Variants in MTCL3 observed in about 807,000 individuals in gnomAD.
The protein encoded by MTCL3 is MTCL family member 3, also known as microtubule cross-linking factor 3.
the MTCL3 span, among the ~76,000 whole-genome samples, chr6:127,491,515 A>G: frequency 6.6e-6 from 1 of 152,206 alleles, no homozygotes; most frequent in African/African-American, 2.4e-5. Flanking sequence ...TTTAGATACC[A>G]TGTTATTGCA....
the MTCL3 span, chr6:127,515,391 T>C: frequency 1.0e-6 from 1 of 972,050 alleles, no homozygotes. This position sits in a 1 kb window ranked among gnomAD's most constrained non-coding sequence, Gnocchi z 4.3. Context: ...CCTCCTTTCT[T>C]GTTCTCCTCC....
chr6:127,516,424 C>T, the MTCL3 span: 1 of 1,600,298 alleles, frequency 6.2e-7, no homozygotes, highest in Non-Finnish European at 8.5e-7. Context: ...GAGTTTAGTG[C>T]CGGCCCCCAC....
chr6:127,481,428 C>G, the MTCL3 span: 1 of 985,348 alleles, frequency 1.0e-6, no homozygotes, highest in Non-Finnish European at 1.2e-6. Context: ...CTGTGAGACT[C>G]TCTGGGATTC....
At chr6:127,510,774 C>T in the MTCL3 span, among the ~76,000 whole-genome samples, 2 of 152,200 alleles carry the variant, frequency 1.3e-5, no homozygotes, top group African/African-American at 4.8e-5. Context: ...ATTCTCTTTG[C>T]TTGCTCACAG....
chr6:127,478,293 G>A, the MTCL3 span, among the ~76,000 whole-genome samples: 2 of 152,192 alleles, frequency 1.3e-5, no homozygotes, highest in Admixed American at 6.5e-5. Flanking sequence ...CATTTAGATC[G>A]CTTTCAAAAT....
chr6:127,496,280 T>TAAAGC, the MTCL3 span, among the ~76,000 whole-genome samples: 3 of 152,246 alleles, frequency 2.0e-5, no homozygotes, highest in Admixed American at 6.5e-5. Flanking sequence ...TAATATAGTA[T>TAAAGC]AAAGCTATCA....
chr6:127,482,776 G>A, the MTCL3 span: 1 of 576,714 alleles, frequency 1.7e-6, no homozygotes, highest in Admixed American at 3.4e-5. This position sits in a 1 kb window ranked among gnomAD's most constrained non-coding sequence, Gnocchi z 4.1. Context: ...TGTATCTACA[G>A]CTACATAATT....
chr6:127,506,874 C>T, the MTCL3 span, among the ~76,000 whole-genome samples: 8 of 152,242 alleles, frequency 5.3e-5, no homozygotes, highest in Non-Finnish European at 7.4e-5. Context: ...CCACCACGCC[C>T]GGCCTCAAAT....
the MTCL3 span, among the ~76,000 whole-genome samples, chr6:127,489,957 G>C: frequency 2.0e-5 from 3 of 152,248 alleles, no homozygotes; most frequent in Non-Finnish European, 4.4e-5. Flanking sequence ...TCTATTGGAA[G>C]AAGATGCCAT....
At chr6:127,506,080 G>T in the MTCL3 span, among the ~76,000 whole-genome samples, 3 of 152,070 alleles carry the variant, frequency 2.0e-5, no homozygotes, top group Admixed American at 2.0e-4. Context: ...TTTGCTCAAG[G>T]TCATAGGGAA....
the MTCL3 span, among the ~76,000 whole-genome samples, chr6:127,506,826 A>C: frequency 6.6e-6 from 1 of 151,964 alleles, no homozygotes; most frequent in Non-Finnish European, 1.5e-5. Flanking sequence ...TGATCCACCC[A>C]CCTCGGCCTC....
chr6:127,506,241 G>T, the MTCL3 span, among the ~76,000 whole-genome samples: 1 of 152,242 alleles, frequency 6.6e-6, no homozygotes, highest in South Asian at 2.1e-4. Context: ...GAAAAGACCT[G>T]TCAAGTATTT....
At chr6:127,496,211 A>AT in the MTCL3 span, among the ~76,000 whole-genome samples, 1 of 152,200 alleles carries the variant, frequency 6.6e-6, no homozygotes, top group African/African-American at 2.4e-5. Flanking sequence ...CTAAAGTAAT[A>AT]TTTTTTAAAG....
the MTCL3 span, chr6:127,475,745 CCTT>C: frequency 6.2e-7 from 1 of 1,600,538 alleles, no homozygotes. The surrounding 1 kb of genome is among the most constrained non-coding windows in gnomAD (Gnocchi z 7.3). Flanking sequence ...TCGTCGCTCT[CCTT>C]CTTGCCCGCG....
chr6:127,479,534 G>C, the MTCL3 span, among the ~76,000 whole-genome samples: 1 of 152,168 alleles, frequency 6.6e-6, no homozygotes, highest in Admixed American at 6.5e-5. Flanking sequence ...ACAGCAGTGG[G>C]TGTGATACAA....
the MTCL3 span, chr6:127,482,956 T>G: frequency 6.2e-7 from 1 of 1,609,596 alleles, no homozygotes; most frequent in Non-Finnish European, 8.5e-7. The surrounding 1 kb of genome is among the most constrained non-coding windows in gnomAD (Gnocchi z 4.1). Context: ...TTTTGGCAAA[T>G]CTTTGCTTCC....
the MTCL3 span, among the ~76,000 whole-genome samples, chr6:127,507,963 C>T: frequency 6.6e-6 from 1 of 150,582 alleles, no homozygotes; most frequent in Admixed American, 6.6e-5. Flanking sequence ...TAAATTTAGT[C>T]TCTTATTCCT....
At chr6:127,479,718 A>T in the MTCL3 span, among the ~76,000 whole-genome samples, 1 of 152,138 alleles carries the variant, frequency 6.6e-6, no homozygotes, top group Non-Finnish European at 1.5e-5. Flanking sequence ...AAAGAGCTGC[A>T]TCAAGGGCTA....
the MTCL3 span, among the ~76,000 whole-genome samples, chr6:127,501,792 A>G: frequency 6.6e-6 from 1 of 152,240 alleles, no homozygotes; most frequent in Admixed American, 6.5e-5. Context: ...AATGTCATTT[A>G]CCATCTGGAT....
Sources: allele counts gnomAD v4.1 joint callset (sites outside exome capture counted in the v4.1 genomes callset), GRCh38; gene constraint gnomAD v4.1.1; non-coding constraint Gnocchi (gnomAD v3.1); transcripts MANE v1.5; gene names NCBI Gene and HGNC (gene_info 2026-07-23, HGNC 2026-07-21).